The following PRKN variants were observed in gnomAD, a reference collection of about 807,000 sequenced individuals.
PRKN encodes the protein parkin RBR E3 ubiquitin protein ligase.
A neutral mutation model predicts 59.5 loss-of-function variants in PRKN; 56 were observed. That is an observed-to-expected ratio of 0.94 (90% CI 0.76 to 1.18). The LOEUF (loss-of-function observed/expected upper bound fraction) is 1.18. Ranked by LOEUF, PRKN falls within the 50% of genes most tolerant of loss-of-function variation. The pLI, the probability that PRKN is intolerant of heterozygous loss-of-function variation, is 0.00. For synonymous variants in PRKN, 250 were observed against 222.1 expected, an observed-to-expected ratio of 1.13 and a Z score of -1.12; for missense variants, 657 against 596.4, an observed-to-expected ratio of 1.10 and a Z score of -1.06.
intron 7 of PRKN, among the ~76,000 whole-genome samples, chr6:161,600,998 C>T (rs1393491181): frequency 6.6e-6 from 1 of 152,192 alleles, no homozygotes; most frequent in Non-Finnish European, 1.5e-5. Flanking sequence ...CATAATTCAT[C>T]AGTGTATTTA....
intron 10 of PRKN, among the ~76,000 whole-genome samples, chr6:161,375,713 C>T (rs1046158585): frequency 5.3e-5 from 8 of 152,182 alleles, no homozygotes; most frequent in Non-Finnish European, 8.8e-5. Flanking sequence ...TTCTGCTGCC[C>T]CAGAGCAAAC....
intron 1 of PRKN, among the ~76,000 whole-genome samples, chr6:162,482,069 C>A (rs1792332464): frequency 6.6e-6 from 1 of 152,044 alleles, no homozygotes; most frequent in South Asian, 2.1e-4. Context: ...GTTATAGAAA[C>A]CCATGGCAAC....
At chr6:162,638,058 C>A (rs1435588585) in intron 1 of PRKN, among the ~76,000 whole-genome samples, 2 of 152,032 alleles carry the variant, frequency 1.3e-5, no homozygotes, top group African/African-American at 4.8e-5. Flanking sequence ...TTCATAGTTT[C>A]ATTTTTTAAA....
At chr6:161,380,273 G>C (rs1310112195) in intron 10 of PRKN, among the ~76,000 whole-genome samples, 6 of 152,040 alleles carry the variant, frequency 3.9e-5, no homozygotes, top group African/African-American at 1.5e-4. Flanking sequence ...GTGGAGAACT[G>C]GCCAGGTCCC....
intron 9 of PRKN, among the ~76,000 whole-genome samples, chr6:161,512,495 C>T (rs139494354): frequency 6.6e-6 from 1 of 152,314 alleles, no homozygotes; most frequent in East Asian, 1.9e-4. Context: ...GGGATGACAC[C>T]TTTGACGTGC....
chr6:161,351,965 C>T (rs1408151484), intron 11 of PRKN, among the ~76,000 whole-genome samples: 3 of 152,134 alleles, frequency 2.0e-5, no homozygotes, highest in Non-Finnish European at 4.4e-5. Context: ...ACATAGACTC[C>T]ATGAGTTTCT....
intron 6 of PRKN, among the ~76,000 whole-genome samples, chr6:161,872,203 C>A (rs1231520798): frequency 6.6e-6 from 1 of 151,464 alleles, no homozygotes; most frequent in African/African-American, 2.4e-5. Flanking sequence ...CAGAGAACGT[C>A]AGTGGGAGGA....
chr6:162,021,093 A>C (rs1783131155), intron 5 of PRKN, among the ~76,000 whole-genome samples: 1 of 115,958 alleles, frequency 8.6e-6, no homozygotes, highest in Non-Finnish European at 1.7e-5. Flanking sequence ...ACAGAACGAG[A>C]CTCTGTCTCA....
chr6:161,864,947 C>G (rs1268564393), intron 6 of PRKN, among the ~76,000 whole-genome samples: 1 of 152,164 alleles, frequency 6.6e-6, no homozygotes, highest in African/African-American at 2.4e-5. Context: ...AACCATCGTG[C>G]CCGGCCTCCA....
At chr6:162,359,079 A>AAAAATATATAT (rs57265104) in intron 2 of PRKN, among the ~76,000 whole-genome samples, 2 of 83,248 alleles carry the variant, frequency 2.4e-5, no homozygotes, top group African/African-American at 7.3e-5. Flanking sequence ...AAAAAAAAAA[A>AAAAATATATAT]ATATATATAT....
chr6:162,212,249 G>T (rs550844068), intron 3 of PRKN, among the ~76,000 whole-genome samples: 49 of 152,118 alleles, frequency 3.2e-4, no homozygotes, highest in African/African-American at 1.2e-3. Flanking sequence ...CTTCTGCAGT[G>T]ACTTCACCTG....
At chr6:162,054,315 T>C (rs1777770685) in intron 4 of PRKN, 141 bp from the exon 5 acceptor site, 2 of 711,748 alleles carry the variant, frequency 2.8e-6, no homozygotes, top group South Asian at 3.0e-5. Context: ...CTGCAGACTC[T>C]GGGGGTCCCC....
chr6:162,053,106 T>C (rs1246214671), intron 5 of PRKN, among the ~76,000 whole-genome samples: 1 of 152,134 alleles, frequency 6.6e-6, no homozygotes, highest in Admixed American at 6.5e-5. Flanking sequence ...TCTTCAGGAT[T>C]TGGATGAATA....
intron 1 of PRKN, among the ~76,000 whole-genome samples, chr6:162,586,766 C>T (rs1424483338): frequency 6.6e-6 from 1 of 152,052 alleles, no homozygotes; most frequent in Non-Finnish European, 1.5e-5. Context: ...TTGAAGGACA[C>T]AGAAAAAGAG....
At chr6:162,048,969 T>A (rs1261022107) in intron 5 of PRKN, among the ~76,000 whole-genome samples, 1 of 152,118 alleles carries the variant, frequency 6.6e-6, no homozygotes, top group Admixed American at 6.6e-5. Flanking sequence ...GCATATATCC[T>A]TTGAGCTGAC....
At chr6:161,946,394 A>ACC (rs1779775008) in intron 6 of PRKN, among the ~76,000 whole-genome samples, 1 of 87,044 alleles carries the variant, frequency 1.1e-5, no homozygotes, top group Admixed American at 1.3e-4. Context: ...CATCACACAC[A>ACC]CACACACACA....
At chr6:161,611,306 C>T (rs1782480815) in intron 7 of PRKN, among the ~76,000 whole-genome samples, 1 of 152,172 alleles carries the variant, frequency 6.6e-6, no homozygotes, top group Non-Finnish European at 1.5e-5. Flanking sequence ...AGCACAGGCA[C>T]ACCTCTTCTT....
intron 4 of PRKN, among the ~76,000 whole-genome samples, chr6:162,091,493 C>T (rs185811274): frequency 2.2e-4 from 34 of 152,234 alleles, no homozygotes; most frequent in African/African-American, 7.7e-4. Context: ...TCTAGGATTG[C>T]GATCCCATTA....
chr6:161,424,498 G>C lies in PRKN; in HGVS notation c.1084-37621C>G, dbSNP rs368647090. Among the ~76,000 whole-genome samples, 98 of 152,244 alleles carry C rather than the reference G, an allele frequency of 6.4e-4. 1 individual carries two copies. Among genetic ancestry groups the C allele is most frequent in the African/African-American group, 2.2e-3 (93 of 41,518 alleles). On this transcript the variant is annotated intron_variant, in intron 9 of 11. Transcript: ENST00000366898. ...GCAAGGCAAAGAATTCATCCCAGTG[G>C]AAAGTCCCAAGTTAGGGCTTAGCTG...
Sources: allele counts gnomAD v4.1 joint callset (sites outside exome capture counted in the v4.1 genomes callset), GRCh38; gene constraint gnomAD v4.1.1; transcripts MANE v1.5; gene names NCBI Gene and HGNC (gene_info 2026-07-23, HGNC 2026-07-21).